EHD4: variants seen among roughly 807,000 people sequenced by gnomAD.
EHD4 encodes the protein EH domain-containing protein 4.
Under a neutral mutation model 51.0 loss-of-function variants are expected in EHD4, and 37 were observed. The ratio of observed to expected loss-of-function variants is 0.73; its 90% CI spans 0.56 to 0.95. The LOEUF (loss-of-function observed/expected upper bound fraction) is 0.95, where lower values mean the gene tolerates loss of function less well. EHD4 is among the 40% of genes least tolerant of loss of function. The pLI, the probability that EHD4 is intolerant of heterozygous loss-of-function variation, is 0.00. For missense variants in EHD4, 632 were observed against 733.1 expected (o/e 0.86, Z 1.59); for synonymous variants, 297 against 317.3 (o/e 0.94, Z 0.68).
chr15:41,937,334 G>C (rs1246485271), intron 3 of EHD4, among the ~76,000 whole-genome samples: 1 of 152,184 alleles, frequency 6.6e-6, no homozygotes. Flanking sequence ...GTCTAGAAGA[G>C]ATATCAACAG....
intron 1 of EHD4, among the ~76,000 whole-genome samples, chr15:41,954,249 A>AAG (rs2067872042): frequency 6.6e-6 from 1 of 152,166 alleles, no homozygotes; most frequent in Non-Finnish European, 1.5e-5. Flanking sequence ...GCCTGCTGCC[A>AAG]GCGTGGTGCT....
At chr15:41,952,037 T>C (rs961285946) in intron 2 of EHD4, among the ~76,000 whole-genome samples, 8 of 152,246 alleles carry the variant, frequency 5.3e-5, no homozygotes, top group Admixed American at 5.2e-4. Flanking sequence ...TTCTTTGATT[T>C]GCAATAGGAT....
intron 3 of EHD4, among the ~76,000 whole-genome samples, chr15:41,919,835 A>T (rs1282173762): frequency 6.6e-6 from 1 of 152,054 alleles, no homozygotes; most frequent in Non-Finnish European, 1.5e-5. Context: ...GGAGGGAGGA[A>T]AGAGAATGGG....
At chr15:41,915,727 C>T (rs2067579200) in intron 4 of EHD4, among the ~76,000 whole-genome samples, 1 of 152,006 alleles carries the variant, frequency 6.6e-6, no homozygotes, top group Non-Finnish European at 1.5e-5. Flanking sequence ...CTTTTTTGGG[C>T]TTTCCCAAAA....
Position 41,933,849 on chromosome 15 carries a change from G to A in EHD4, c.511+9218C>T, listed in dbSNP as rs543139432. 3.9e-5 allele frequency among the ~76,000 whole-genome samples: 6 copies of A among 152,272 alleles called. 1 individual carries two copies. Among genetic ancestry groups the A allele is most frequent in the Admixed American group, 3.9e-4 (6 of 15,296 alleles). On this transcript the variant is annotated intron_variant, in intron 3 of 5. Coordinates refer to ENST00000220325, the MANE Select transcript of EHD4 (RefSeq NM_139265.4). Reference sequence around the variant, plus strand: ...CTTCCGAAGTAGGCTAGGCGGGGGTGCTCCTGCAAGCAGTGAGACACAGAC... The same window carrying A: ...CTTCCGAAGTAGGCTAGGCGGGGGTACTCCTGCAAGCAGTGAGACACAGAC...
At chr15:41,909,034 T>C (rs1416080134) in intron 5 of EHD4, among the ~76,000 whole-genome samples, 1 of 152,204 alleles carries the variant, frequency 6.6e-6, no homozygotes, top group Non-Finnish European at 1.5e-5. Flanking sequence ...ATGGGTGGCC[T>C]CGCTTGTGAG....
intron 4 of EHD4, among the ~76,000 whole-genome samples, chr15:41,917,518 A>G (rs2067592913): frequency 6.6e-6 from 1 of 152,248 alleles, no homozygotes; most frequent in Non-Finnish European, 1.5e-5. Flanking sequence ...AGCATTTAAA[A>G]ATAGTTTTAA....
chr15:41,911,869 C>T (rs951458679), intron 4 of EHD4, among the ~76,000 whole-genome samples: 2 of 152,092 alleles, frequency 1.3e-5, no homozygotes, highest in African/African-American at 2.4e-5. Flanking sequence ...ACCTCTGAGC[C>T]GCCAGGCCCC....
chr15:41,925,330 A>G (rs1373389655), intron 3 of EHD4, among the ~76,000 whole-genome samples: 1 of 152,222 alleles, frequency 6.6e-6, no homozygotes, highest in East Asian at 1.9e-4. Context: ...AACCACTCGA[A>G]GCGGCTAACC....
intron 3 of EHD4, among the ~76,000 whole-genome samples, chr15:41,936,633 T>C (rs966114447): frequency 1.3e-5 from 2 of 152,220 alleles, no homozygotes; most frequent in Non-Finnish European, 1.5e-5. Context: ...TTGTTTTTCA[T>C]CTAAAAGTCA....
At chr15:41,941,745 AC>A (rs1689860040) in intron 3 of EHD4, 2 of 152,096 alleles carry the variant, frequency 1.3e-5, no homozygotes, top group South Asian at 4.2e-4. Context: ...TCTCTGCGGG[AC>A]CACGGAGCAG....
intron 2 of EHD4, among the ~76,000 whole-genome samples, chr15:41,949,023 T>C (rs1194449655): frequency 1.0e-4 from 4 of 39,188 alleles, no homozygotes; most frequent in African/African-American, 3.4e-4. Context: ...AGACTATATA[T>C]ATATATATAT....
chr15:41,954,210 A>G (rs1566826452), intron 1 of EHD4, among the ~76,000 whole-genome samples: 1 of 151,932 alleles, frequency 6.6e-6, no homozygotes, highest in Non-Finnish European at 1.5e-5. Context: ...ATGTGGGGAC[A>G]CCTCTTTTGT....
intron 1 of EHD4, among the ~76,000 whole-genome samples, chr15:41,957,073 G>C (rs2067892679): frequency 6.6e-6 from 1 of 152,178 alleles, no homozygotes; most frequent in African/African-American, 2.4e-5. Context: ...GCTCGTGCCT[G>C]TAATTCCAGC....
intron 3 of EHD4, 23 bp from the exon 4 acceptor site, chr15:41,919,645 C>T: frequency 2.7e-6 from 4 of 1,500,862 alleles, no homozygotes; most frequent in African/African-American, 1.4e-5. Context: ...AAGGACACGT[C>T]AGTGTAGCCA....
At chr15:41,931,195 G>A (rs2067695966) in intron 3 of EHD4, among the ~76,000 whole-genome samples, 1 of 152,056 alleles carries the variant, frequency 6.6e-6, no homozygotes, top group Non-Finnish European at 1.5e-5. Flanking sequence ...TATTTATCAT[G>A]TCCAACATGT....
rs372304157 is a variant in EHD4, at chr15:41,900,759, G to A, written c.1512C>T (p.Phe504=). The change falls in exon 6 of 6, where the codon TTC becomes TTT. Residue 504 remains phenylalanine (F), a synonymous_variant. Transcript: ENST00000220325. This position sits in a 1 kb window ranked among gnomAD's most constrained non-coding sequence, Gnocchi z 4.8. ...DCDGMLDEEE[F]ALAKHLIKIK... is the part of the protein sequence containing the mutation. ...TCTTGATGAGGTGCTTGGCCAGCGC[G>A]AACTCCTCCTCATCAAGCATGCCGT... The A allele has an allele frequency of 4.0e-5, 64 of 1,613,778 alleles. No individual in the cohort carries two copies. The highest frequency in any genetic ancestry group is 5.3e-5 in the Non-Finnish European group (63 of 1,180,044).
chr15:41,903,684 G>C (rs1220630169), intron 5 of EHD4, among the ~76,000 whole-genome samples: 1 of 152,108 alleles, frequency 6.6e-6, no homozygotes, highest in African/African-American at 2.4e-5. Flanking sequence ...ATGGTCTCTA[G>C]GGTGGCAGGG....
At chr15:41,946,638 A>G (rs937832940) in intron 2 of EHD4, among the ~76,000 whole-genome samples, 2 of 152,178 alleles carry the variant, frequency 1.3e-5, no homozygotes, top group Admixed American at 6.5e-5. Context: ...AGGTGGGAGG[A>G]TGGCTTGAGC....
Sources: allele counts gnomAD v4.1 joint callset (sites outside exome capture counted in the v4.1 genomes callset), GRCh38; gene constraint gnomAD v4.1.1; non-coding constraint Gnocchi (gnomAD v3.1); transcripts MANE v1.5; gene names NCBI Gene and HGNC (gene_info 2026-07-23, HGNC 2026-07-21).